The following ABLIM1 variants were observed in gnomAD, a reference collection of about 807,000 sequenced individuals.
ABLIM1 encodes actin-binding LIM protein 1.
ABLIM1 carries 40 observed loss-of-function variants against 107.0 expected under a neutral mutation model. That is an observed-to-expected ratio of 0.37 (90% CI 0.29 to 0.49). The LOEUF (loss-of-function observed/expected upper bound fraction) is 0.49, where lower values mean the gene tolerates loss of function less well. ABLIM1 is among the 20% of genes least tolerant of loss of function. The probability of loss-of-function intolerance (pLI) is 0.97; values close to 1 mark genes in which losing one functional copy is unlikely to be tolerated. For missense variants in ABLIM1, 857 were observed against 1,008.5 expected (o/e 0.85, Z 2.04); for synonymous variants, 357 against 357.3 (o/e 1.00, Z 0.01).
At chr10:114,530,249 A>G (rs1490771415) in intron 6 of ABLIM1, among the ~76,000 whole-genome samples, 1 of 152,196 alleles carries the variant, frequency 6.6e-6, no homozygotes, top group African/African-American at 2.4e-5. Context: ...ATCTGTTCCA[A>G]AGGGACTCAG....
At chr10:114,542,219 G>T (rs1324984812) in intron 6 of ABLIM1, among the ~76,000 whole-genome samples, 1 of 151,936 alleles carries the variant, frequency 6.6e-6, no homozygotes, top group African/African-American at 2.4e-5. Flanking sequence ...GACCAGCCTG[G>T]ACAATAGAGT....
At chr10:114,648,744 G>C (rs781369290) in intron 1 of ABLIM1, among the ~76,000 whole-genome samples, 10 of 152,158 alleles carry the variant, frequency 6.6e-5, no homozygotes, top group Non-Finnish European at 1.2e-4. Flanking sequence ...CTGCGTTATA[G>C]TCTGAAGAAA....
At chr10:114,567,606 A>G (rs1305648799) in intron 4 of ABLIM1, among the ~76,000 whole-genome samples, 1 of 152,210 alleles carries the variant, frequency 6.6e-6, no homozygotes, top group East Asian at 1.9e-4. Context: ...GCAGCTGCTG[A>G]GCAGCTGAAA....
chr10:114,772,570 G>A (rs1205191703), upstream of ABLIM1, among the ~76,000 whole-genome samples: 1 of 152,128 alleles, frequency 6.6e-6, no homozygotes, highest in Non-Finnish European at 1.5e-5. Context: ...TTGCATCACT[G>A]CACTCCAGCC....
chr10:114,551,752 C>A (rs2068086227), intron 4 of ABLIM1, among the ~76,000 whole-genome samples: 1 of 152,212 alleles, frequency 6.6e-6, no homozygotes, highest in African/African-American at 2.4e-5. Context: ...GCACTGAGGG[C>A]TTTCTAGAAT....
Position 114,579,388 on chromosome 10 carries a change from G to A in ABLIM1, c.380-3789C>T, listed in dbSNP as rs1040477971. Among the ~76,000 whole-genome samples the A allele has an allele frequency of 3.3e-5, 5 of 152,146 alleles. No individual in the cohort carries two copies. The East Asian group carries it at 9.6e-4, about 29-fold the overall frequency. ...TGATCTGTCTGTGATATATTGTTCA[G>A]TGAAAAGAACAAATGTCACAGAGTA... is the stretch of plus-strand genomic sequence containing the variant. On this transcript the variant is annotated intron_variant, in intron 2 of 22. Coordinates refer to ENST00000533213, the MANE Select transcript of ABLIM1 (RefSeq NM_002313.7).
chr10:114,767,436 C>T (rs2082923191), intron 1 of ABLIM1, among the ~76,000 whole-genome samples: 1 of 152,190 alleles, frequency 6.6e-6, no homozygotes, highest in African/African-American at 2.4e-5. Flanking sequence ...CTCTCCCCAG[C>T]ATCGTCGCTG....
intron 1 of ABLIM1, among the ~76,000 whole-genome samples, chr10:114,705,807 CA>C (rs1330412705): frequency 2.6e-5 from 4 of 152,070 alleles, no homozygotes; most frequent in African/African-American, 9.7e-5. Context: ...AAAATCATAA[CA>C]AAAAATTTGA....
intron 1 of ABLIM1, among the ~76,000 whole-genome samples, chr10:114,756,845 T>C (rs551713491): frequency 2.2e-4 from 33 of 152,328 alleles, no homozygotes; most frequent in African/African-American, 7.2e-4. Flanking sequence ...ATCCTTCCTC[T>C]GTTCTCCTGA....
chr10:114,706,929 C>A (rs2081434940), intron 1 of ABLIM1, among the ~76,000 whole-genome samples: 1 of 152,026 alleles, frequency 6.6e-6, no homozygotes, highest in Non-Finnish European at 1.5e-5. Context: ...TTACAGGGAG[C>A]CTGGAAGGCA....
At chr10:114,442,007 G>C (rs956992370) in intron 17 of ABLIM1, among the ~76,000 whole-genome samples, 4 of 152,266 alleles carry the variant, frequency 2.6e-5, no homozygotes, top group Non-Finnish European at 5.9e-5. Flanking sequence ...GCGGTTGAGT[G>C]GGGGCTGAAG....
intron 1 of ABLIM1, among the ~76,000 whole-genome samples, chr10:114,697,445 G>T: frequency 6.6e-6 from 1 of 152,246 alleles, no homozygotes; most frequent in East Asian, 1.9e-4. Context: ...AGCAGTAGGG[G>T]CTGGGGACCA....
intron 6 of ABLIM1, among the ~76,000 whole-genome samples, chr10:114,513,567 C>A (rs2062268733): frequency 6.6e-6 from 1 of 152,184 alleles, no homozygotes; most frequent in African/African-American, 2.4e-5. Flanking sequence ...CAGCTCACCC[C>A]TTTCTAACCT....
chr10:114,684,740 A>G, exon 1 of ABLIM1: 1 of 1,015,118 alleles, frequency 9.9e-7, no homozygotes, highest in East Asian at 9.1e-5. Context: ...TGCATTCTGC[A>G]CAATCCAGAA....
At chr10:114,512,881 A>G (rs2062116575) in intron 6 of ABLIM1, among the ~76,000 whole-genome samples, 1 of 150,338 alleles carries the variant, frequency 6.7e-6, no homozygotes, top group Admixed American at 6.6e-5. Flanking sequence ...GGAAGGAAGG[A>G]AGGAAGGAAG....
At position 114,480,963 on chromosome 10, in the gene ABLIM1, C is replaced by A. The variant is rs576495767; in HGVS notation, c.1041+6995G>T. Among the ~76,000 whole-genome samples, 4 of 152,192 alleles carry A rather than the reference C, an allele frequency of 2.6e-5. No individual in the cohort carries two copies. The East Asian group carries it at 5.8e-4, about 22-fold the overall frequency. ...TAGCCAAATGCTTTAAAAAGCACATCTTTTTGTTTTCTTCATGAAATCTCT... is the reference window on the plus strand; with the variant it reads ...TAGCCAAATGCTTTAAAAAGCACATATTTTTGTTTTCTTCATGAAATCTCT... On this transcript the variant is annotated intron_variant, in intron 8 of 22. Transcript: ENST00000533213.
intron 1 of ABLIM1, among the ~76,000 whole-genome samples, chr10:114,607,836 G>A (rs1239769314): frequency 6.6e-6 from 1 of 152,232 alleles, no homozygotes; most frequent in Non-Finnish European, 1.5e-5. Context: ...TAAACGTAAT[G>A]TGGGATCCTG....
At chr10:114,723,713 G>A (rs920588945) in intron 1 of ABLIM1, among the ~76,000 whole-genome samples, 3 of 152,154 alleles carry the variant, frequency 2.0e-5, no homozygotes, top group Non-Finnish European at 4.4e-5. Flanking sequence ...AGTATGCTTT[G>A]TCTACACAGC....
upstream of ABLIM1, among the ~76,000 whole-genome samples, chr10:114,772,694 C>T (rs2083038643): frequency 6.6e-6 from 1 of 151,900 alleles, no homozygotes; most frequent in Admixed American, 6.6e-5. Context: ...TAAAAGATGC[C>T]AAAATACACA....
Sources: gnomAD v4.1 joint callset for allele counts (sites outside exome capture counted in the v4.1 genomes callset) on GRCh38, gnomAD v4.1.1 for gene constraint, MANE v1.5 for transcripts, NCBI Gene and HGNC (gene_info 2026-07-23, HGNC 2026-07-21) for gene names.